Variants in MC2R observed in about 807,000 individuals in gnomAD.
MC2R encodes the protein adrenocorticotropic hormone receptor.
MC2R carries 9 observed loss-of-function variants against 9.8 expected under a neutral mutation model. The observed-to-expected ratio is 0.92, with a 90% confidence interval of 0.55 to 1.60. The LOEUF (loss-of-function observed/expected upper bound fraction) is 1.60, where lower values mean the gene tolerates loss of function less well. MC2R is among the 40% of genes most tolerant of loss of function. The pLI is 0.00. For synonymous variants in MC2R, 185 were observed against 154.7 expected, an observed-to-expected ratio of 1.20 and a Z score of -1.45; for missense variants, 370 against 389.0, an observed-to-expected ratio of 0.95 and a Z score of 0.41.
chr18:13,901,475 A>G (rs962305309), intron 1 of MC2R, among the ~76,000 whole-genome samples: 1 of 152,042 alleles, frequency 6.6e-6, no homozygotes, highest in Non-Finnish European at 1.5e-5. Context: ...TTGAAAAGTT[A>G]AACAAAACTG....
intron 1 of MC2R, among the ~76,000 whole-genome samples, chr18:13,906,562 T>C (rs902961975): frequency 3.3e-5 from 5 of 150,106 alleles, no homozygotes; most frequent in African/African-American, 1.2e-4. Context: ...TTAGAAGAAA[T>C]AAAGAAAAAA....
intron 1 of MC2R, among the ~76,000 whole-genome samples, chr18:13,909,707 T>G (rs1598469450): frequency 2.0e-5 from 3 of 152,368 alleles, no homozygotes; most frequent in African/African-American, 7.2e-5. Context: ...AGTTGGCACC[T>G]GTGTCCTGTG....
At chr18:13,894,054 T>C (rs2045332063) in intron 1 of MC2R, among the ~76,000 whole-genome samples, 1 of 152,198 alleles carries the variant, frequency 6.6e-6, no homozygotes, top group Non-Finnish European at 1.5e-5. Context: ...CTCACTCATC[T>C]TTCTCCTTAA....
chr18:13,894,511 A>G (rs943503887), intron 1 of MC2R, among the ~76,000 whole-genome samples: 1 of 152,180 alleles, frequency 6.6e-6, no homozygotes, highest in African/African-American at 2.4e-5. Context: ...TGTGGTCTGG[A>G]TTCTATGCGA....
chr18:13,885,567 C>T lies in MC2R; in HGVS notation c.-49G>A, dbSNP rs200249547. The T allele has an allele frequency of 9.0e-5, 144 of 1,598,944 alleles. No homozygotes were observed. Among genetic ancestry groups the T allele is most frequent in the Admixed American group, 1.5e-4 (9 of 59,702 alleles). On this transcript the variant is annotated 5_prime_UTR_variant, in exon 2 of 2. In the 5' UTR this introduces an upstream ATG that the reference lacks. Coordinates refer to ENST00000327606, the MANE Select transcript of MC2R (RefSeq NM_000529.2). Reference sequence around the variant, plus strand: ...GGGATGTTACTTGGACTTGACTTCACGGAAAACTTGATTGATTCTTCAGGA... The same window carrying T: ...GGGATGTTACTTGGACTTGACTTCATGGAAAACTTGATTGATTCTTCAGGA...
chr18:13,897,917 T>C (rs146714071), intron 1 of MC2R, among the ~76,000 whole-genome samples: 1 of 152,146 alleles, frequency 6.6e-6, no homozygotes, highest in Non-Finnish European at 1.5e-5. Context: ...TGAGACTTGC[T>C]GGCTTCAGGT....
chr18:13,897,698 G>A (rs2045354765), intron 1 of MC2R, among the ~76,000 whole-genome samples: 1 of 152,040 alleles, frequency 6.6e-6, no homozygotes, highest in East Asian at 1.9e-4. Context: ...CAGCAAGATA[G>A]GGCACTGGTC....
intron 1 of MC2R, among the ~76,000 whole-genome samples, chr18:13,891,212 A>G (rs955645996): frequency 2.6e-5 from 4 of 152,134 alleles, no homozygotes; most frequent in Admixed American, 2.6e-4. Flanking sequence ...CCTTGCTCTT[A>G]TCTTGGAGGC....
At chr18:13,909,776 T>C (rs2045434118) in intron 1 of MC2R, among the ~76,000 whole-genome samples, 1 of 152,200 alleles carries the variant, frequency 6.6e-6, no homozygotes, top group African/African-American at 2.4e-5. Context: ...CACTGCAAGA[T>C]GTTCCAGGCT....
chr18:13,907,627 G>T (rs74968672), intron 1 of MC2R, among the ~76,000 whole-genome samples: 3,533 of 152,264 alleles, frequency 0.023, 53 homozygotes, highest in East Asian at 0.075. Flanking sequence ...TCTCCATCCA[G>T]CAAGAGATTA....
rs138926719 is a variant in MC2R at position 13,890,664 on chromosome 18, G to C, written c.-128-5018C>G. 1.2e-3 allele frequency among the ~76,000 whole-genome samples: 181 copies of C among 152,156 alleles called. 4 individuals carry two copies. The Middle Eastern group carries it at 0.017, about 14-fold the overall frequency. Reference sequence around the variant, plus strand: ...TGCATTTAAGATTTTTATGTCACTCGTTGCATAAGTTGTACGGCCCAATAC... The same window carrying C: ...TGCATTTAAGATTTTTATGTCACTCCTTGCATAAGTTGTACGGCCCAATAC... On this transcript the variant is annotated intron_variant, in intron 1 of 1. Coordinates refer to ENST00000327606, the MANE Select transcript of MC2R (RefSeq NM_000529.2).
At chr18:13,892,771 T>C (rs1414063290) in intron 1 of MC2R, among the ~76,000 whole-genome samples, 2 of 149,924 alleles carry the variant, frequency 1.3e-5, no homozygotes, top group East Asian at 3.9e-4. Flanking sequence ...GAAAGAGAGA[T>C]ACAGAAATAG....
chr18:13,908,743 T>TGTGTGTGTGTGTGTGTGTGG (rs2045428214), intron 1 of MC2R, among the ~76,000 whole-genome samples: 1 of 151,474 alleles, frequency 6.6e-6, no homozygotes, highest in South Asian at 2.1e-4. Flanking sequence ...TGTGTGTGTG[T>TGTGTGTGTGTGTGTGTGTGG]ATTTCAAGCA....
At chr18:13,886,747 A>G (rs891351238) in intron 1 of MC2R, among the ~76,000 whole-genome samples, 14 of 152,172 alleles carry the variant, frequency 9.2e-5, no homozygotes, top group Non-Finnish European at 1.2e-4. Flanking sequence ...GCAGTGCACC[A>G]GTGGGGAAAG....
rs529492753 is a variant in MC2R, at chr18:13,903,347, T to C, written c.-129+12141A>G. Among the ~76,000 whole-genome samples the C allele has an allele frequency of 9.2e-5, 14 of 152,330 alleles. No homozygotes were observed. The South Asian group carries it at 2.9e-3, about 32-fold the overall frequency. Reference sequence around the variant, plus strand: ...TCCAGAAATCCTACTGTTGGATATATACCCAAAGGGAAGGAAATCAGCATA... The same window carrying C: ...TCCAGAAATCCTACTGTTGGATATACACCCAAAGGGAAGGAAATCAGCATA... On this transcript the variant is annotated intron_variant, in intron 1 of 1. Coordinates refer to ENST00000327606, the MANE Select transcript of MC2R (RefSeq NM_000529.2).
chr18:13,908,963 G>A (rs938514806), intron 1 of MC2R, among the ~76,000 whole-genome samples: 9 of 152,154 alleles, frequency 5.9e-5, no homozygotes, highest in African/African-American at 1.7e-4. Flanking sequence ...TGCATTTATC[G>A]CAACTAGTGG....
intron 1 of MC2R, among the ~76,000 whole-genome samples, chr18:13,908,643 A>G (rs984825665): frequency 6.6e-6 from 1 of 152,098 alleles, no homozygotes; most frequent in Non-Finnish European, 1.5e-5. Flanking sequence ...AACTACATAC[A>G]GCTATTAAAA....
At chr18:13,912,888 G>A (rs1349514745) in intron 1 of MC2R, among the ~76,000 whole-genome samples, 1 of 152,114 alleles carries the variant, frequency 6.6e-6, no homozygotes, top group East Asian at 1.9e-4. Flanking sequence ...GCTCAATTAT[G>A]AGAGGCCTTC....
intron 1 of MC2R, among the ~76,000 whole-genome samples, chr18:13,890,856 G>T (rs997487665): frequency 6.7e-6 from 1 of 149,372 alleles, no homozygotes; most frequent in African/African-American, 2.5e-5. Context: ...TCTCTCAGTC[G>T]TTAGGGTTTC....
Sources: gnomAD v4.1 joint callset for allele counts (sites outside exome capture counted in the v4.1 genomes callset) on GRCh38, gnomAD v4.1.1 for gene constraint, MANE v1.5 for transcripts, NCBI Gene and HGNC (gene_info 2026-07-23, HGNC 2026-07-21) for gene names.